Variants in FSIP2 observed in about 807,000 individuals in gnomAD.
FSIP2 encodes fibrous sheath-interacting protein 2.
Under a neutral mutation model 510.5 loss-of-function variants are expected in FSIP2, and 367 were observed. That is an observed-to-expected ratio of 0.72 (90% CI 0.66 to 0.78). The LOEUF (loss-of-function observed/expected upper bound fraction) is 0.78, where lower values mean the gene tolerates loss of function less well. Ranked by LOEUF, FSIP2 falls within the 30% of genes least tolerant of loss-of-function variation. FSIP2 has a pLI of 0.00. For synonymous variants in FSIP2, 2,601 were observed against 2,732.2 expected, an observed-to-expected ratio of 0.95 and a Z score of 1.50; for missense variants, 7,594 against 7,901.7, an observed-to-expected ratio of 0.96 and a Z score of 1.48.
At chr2:185,816,585 C>G (rs76784818) in intron 19 of FSIP2, among the ~76,000 whole-genome samples, 1 of 151,832 alleles carries the variant, frequency 6.6e-6, no homozygotes, top group Non-Finnish European at 1.5e-5. Context: ...CGTCTGTAAT[C>G]CCACCACTTT....
intron 13 of FSIP2, among the ~76,000 whole-genome samples, chr2:185,779,200 T>C (rs1011165235): frequency 1.2e-4 from 18 of 152,066 alleles, no homozygotes; most frequent in African/African-American, 4.1e-4. Context: ...TTCGGAAGTT[T>C]TCTACTGCCT....
In FSIP2 at chr2:185,763,263, G is replaced by C. The variant is rs1345068422; in HGVS notation, c.1321G>C (p.Ala441Pro). The change falls in exon 12 of 23, where the codon GCA becomes CCA. Residue 441 changes from alanine (A) to proline (P), a missense_variant. Transcript: ENST00000424728. Reference sequence around the variant, plus strand: ...GAGAAATTTTTCCAGAGTTTCACAGGCATTTTTGGATCCTTCAAAAGAAGA... The same window carrying C: ...GAGAAATTTTTCCAGAGTTTCACAGCCATTTTTGGATCCTTCAAAAGAAGA... ...PTRNFSRVSQ[A>P]FLDPSKEEKE... 1 of 1,500,290 alleles carries C rather than the reference G, an allele frequency of 6.7e-7. No homozygotes were observed. Among genetic ancestry groups the C allele is most frequent in the Non-Finnish European group, 9.0e-7 (1 of 1,114,984 alleles). 92.9% of individuals were successfully genotyped at this position (1,500,290 alleles called of 1,614,324 possible).
chr2:185,811,018 A>G (rs978204126), intron 17 of FSIP2, among the ~76,000 whole-genome samples: 3 of 152,048 alleles, frequency 2.0e-5, no homozygotes, highest in Non-Finnish European at 4.4e-5. Context: ...GACCTAGGAT[A>G]GCTGGCAGAA....
Position 185,800,506 on chromosome 2 carries a change from C to G in FSIP2, c.11200C>G (p.Gln3734Glu). Residue 3734 changes from glutamine to glutamate, a missense_variant, in exon 17 of 23, where the codon CAA becomes GAA. Coordinates refer to ENST00000424728, the MANE Select transcript of FSIP2 (RefSeq NM_173651.4). The stretch of plus-strand genomic sequence containing the variant: ...ATATTTCTACTCCTCGAATAATGAG[C>G]AACCTAATAGCATACTTACCAATAA... ...RTYFYSSNNE[Q>E]PNSILTNNLQ... 1 of 1,533,032 alleles carries G rather than the reference C, an allele frequency of 6.5e-7. No individual in the cohort carries two copies. The highest frequency in any genetic ancestry group is 1.4e-5 in the African/African-American group (1 of 72,898). 95.0% of individuals were successfully genotyped at this position (1,533,032 alleles called of 1,614,324 possible). A position where few individuals can be genotyped will look rare whatever the true frequency, so the allele number is the denominator to read the frequency against.
chr2:185,819,924 C>T (rs1221795541), intron 19 of FSIP2, among the ~76,000 whole-genome samples: 1 of 151,764 alleles, frequency 6.6e-6, no homozygotes, highest in African/African-American at 2.4e-5. Context: ...AACATCAGAG[C>T]TCCAAAATAT....
Position 185,792,241 on chromosome 2 carries a change from G to T in FSIP2, c.5105G>T (p.Gly1702Val). Residue 1702 changes from glycine (G) to valine (V), a missense_variant, in exon 16 of 23, where the codon GGG (glycine) becomes GTG (valine). Physicochemically the swap from Gly to Val is moderately radical, Grantham distance 109. Transcript: ENST00000424728. ...SDMFNEMESEGGGIETYRYRP... is the reference protein window; with the variant it reads ...SDMFNEMESEVGGIETYRYRP... Reference sequence around the variant, plus strand: ...ATGTTTAATGAAATGGAATCTGAAGGGGGAGGCATTGAAACTTATCGATAC... The same window carrying T: ...ATGTTTAATGAAATGGAATCTGAAGTGGGAGGCATTGAAACTTATCGATAC... The T allele has an allele frequency of 1.3e-6, 2 of 1,533,084 alleles. No homozygotes were observed. Among genetic ancestry groups the T allele is most frequent in the African/African-American group, 1.4e-5 (1 of 72,880 alleles). The allele number at this position is 1,533,084 out of a possible 1,614,324, so 95.0% of individuals were successfully genotyped here.
rs372072339 is a variant in FSIP2, at chr2:185,831,825, T to G, written c.20530T>G (p.Phe6844Val). The part of the protein sequence containing the change: ...HGNSVKFITI[F>V]ERSKDVLGSA... ...TTTACCTTGGCAGTTTATCACCATC[T>G]TTGAAAGATCCAAGGATGTTCTTGG... The change falls in exon 22 of 23, where the codon TTT becomes GTT. Residue 6844 changes from phenylalanine to valine, a missense_variant. Phe to Val is a conservative substitution (Grantham distance 50). Transcript: ENST00000424728. 14 of 1,608,100 alleles carry G rather than the reference T, an allele frequency of 8.7e-6. No individual in the cohort carries two copies. The highest frequency in any genetic ancestry group is 2.7e-5 in the African/African-American group (2 of 74,676).
chr2:185,761,942 A>AT (rs1365991278), intron 10 of FSIP2, 30 bp from the exon 11 acceptor site: 7 of 1,309,546 alleles, frequency 5.3e-6, no homozygotes, highest in Non-Finnish European at 7.3e-6. Context: ...TACTAATGTA[A>AT]TTTTTTCTCT....
intron 16 of FSIP2, chr2:185,797,783 G>C (rs1693326116): frequency 2.8e-6 from 1 of 354,980 alleles, no homozygotes; most frequent in Non-Finnish European, 5.2e-6. Flanking sequence ...TGAACTCCTG[G>C]ACTGAAGACA....
In FSIP2 at chr2:185,796,258, C is replaced by G; in HGVS notation, c.9122C>G (p.Pro3041Arg). ...AAACTGTTAAACAAAAAAATGTTGC[C>G]AAAATTACAACCACTGAAAATGTTT... The part of the protein sequence containing the change: ...QQKLLNKKML[P>R]KLQPLKMFSD... Residue 3041 changes from proline to arginine, a missense_variant, in exon 16 of 23, where the codon CCA becomes CGA. Transcript: ENST00000424728. 2 of 1,530,956 alleles carry G rather than the reference C, an allele frequency of 1.3e-6. No homozygotes were observed. The highest frequency in any genetic ancestry group is 1.7e-6 in the Non-Finnish European group (2 of 1,144,950). The allele number at this position is 1,530,956 out of a possible 1,614,324, so 94.8% of individuals were successfully genotyped here.
rs749821289 is a variant in FSIP2 at position 185,739,440 on chromosome 2, C to T, written c.194C>T (p.Ala65Val). 1 of 1,532,864 alleles carries T rather than the reference C, an allele frequency of 6.5e-7. No individual in the cohort carries two copies. The highest frequency in any genetic ancestry group is 2.5e-5 in the East Asian group (1 of 40,580). The allele number at this position is 1,532,864 out of a possible 1,614,324, so 95.0% of individuals were successfully genotyped here. Residue 65 changes from alanine (A) to valine (V), a missense_variant, in exon 2 of 23, where the codon GCT becomes GTT. Coordinates refer to ENST00000424728, the MANE Select transcript of FSIP2 (RefSeq NM_173651.4). ...VKLPVIPGSN[A>V]VFYTTNFGEK... ...CTGCCTGTGATCCCAGGAAGCAATG[C>T]TGTATTCTATACTACGAATTTCGGT...
intron 3 of FSIP2, among the ~76,000 whole-genome samples, chr2:185,743,937 C>T (rs1196948123): frequency 6.6e-6 from 1 of 152,088 alleles, no homozygotes; most frequent in Non-Finnish European, 1.5e-5. Flanking sequence ...TGGGCTAAAG[C>T]TGTGTTCCTG....
chr2:185,790,185 G>C lies in FSIP2; in HGVS notation c.3049G>C (p.Asp1017His). The C allele has an allele frequency of 6.5e-7, 1 of 1,531,472 alleles. No individual in the cohort carries two copies. Among genetic ancestry groups the C allele is most frequent in the Non-Finnish European group, 8.7e-7 (1 of 1,144,794 alleles). 94.9% of individuals were successfully genotyped at this position (1,531,472 alleles called of 1,614,324 possible). A position where few individuals can be genotyped will look rare whatever the true frequency, so the allele number is the denominator to read the frequency against. Residue 1017 changes from aspartate to histidine, a missense_variant, in exon 16 of 23, where the codon GAT (aspartate) becomes CAT (histidine). By Grantham distance (81) the Asp-to-His change is moderately conservative. Coordinates refer to ENST00000424728, the MANE Select transcript of FSIP2 (RefSeq NM_173651.4). The stretch of plus-strand genomic sequence containing the variant: ...AGACAATATTGTAAAAAATGTGCTT[G>C]ATTCAACTTTCAAAGATGAAAAAGT... ...EIDNIVKNVL[D>H]STFKDEKVKS...
chr2:185,755,721 C>T (rs1172532216), intron 8 of FSIP2, among the ~76,000 whole-genome samples: 1 of 151,482 alleles, frequency 6.6e-6, no homozygotes, highest in African/African-American at 2.4e-5. Flanking sequence ...CCCTTGAGCA[C>T]ACATGCAGTG....
At position 185,777,465 on chromosome 2, in the gene FSIP2, G is replaced by A. The variant is rs181431154; in HGVS notation, c.1412-5240G>A. Among the ~76,000 whole-genome samples, 335 of 145,662 alleles carry A rather than the reference G, an allele frequency of 2.3e-3. 1 individual carries two copies. The highest frequency in any genetic ancestry group is 8.1e-3 in the African/African-American group (320 of 39,404). ...TGCAATGATTAATAAAGTGGTAAAAGTGGGCTCCTTGTCTTCTTTCTTAAT... is the reference window on the plus strand; with the variant it reads ...TGCAATGATTAATAAAGTGGTAAAAATGGGCTCCTTGTCTTCTTTCTTAAT... On this transcript the variant is annotated intron_variant, in intron 13 of 22. Coordinates refer to ENST00000424728, the MANE Select transcript of FSIP2 (RefSeq NM_173651.4).
rs1416488393 is a variant in FSIP2, at chr2:185,806,431, C to T, written c.17125C>T (p.Pro5709Ser). ...YYSKLSYDQS[P>S]PGDNVLNVIQ... The stretch of plus-strand genomic sequence containing the variant: ...TTCGAAACTCAGTTATGACCAAAGC[C>T]CCCCAGGTGATAATGTATTAAATGT... The change falls in exon 17 of 23, where the codon CCC becomes TCC. Residue 5709 changes from proline to serine, a missense_variant. Coordinates refer to ENST00000424728, the MANE Select transcript of FSIP2 (RefSeq NM_173651.4). The T allele has an allele frequency of 6.2e-7, 1 of 1,611,876 alleles. No homozygotes were observed. Among genetic ancestry groups the T allele is most frequent in the African/African-American group, 1.3e-5 (1 of 74,828 alleles).
intron 13 of FSIP2, among the ~76,000 whole-genome samples, chr2:185,768,506 A>T (rs1041813413): frequency 4.6e-5 from 7 of 152,154 alleles, no homozygotes; most frequent in Non-Finnish European, 5.9e-5. Context: ...AACAACATTT[A>T]TTGAAAAAAT....
At position 185,793,981 on chromosome 2, in the gene FSIP2, A is replaced by C. The variant is rs987607823; in HGVS notation, c.6845A>C (p.Lys2282Thr). ...LITLAFQSKEKSFVIPELENC... is the reference protein window; with the variant it reads ...LITLAFQSKETSFVIPELENC... ...ACCCTTGCTTTCCAAAGTAAAGAAA[A>C]GTCATTTGTTATCCCAGAATTGGAA... is the stretch of plus-strand genomic sequence containing the variant. Residue 2282 changes from lysine (K) to threonine (T), a missense_variant, in exon 16 of 23, where the codon AAG becomes ACG. Lys to Thr is a moderately conservative substitution (Grantham distance 78, BLOSUM62 -1). Coordinates refer to ENST00000424728, the MANE Select transcript of FSIP2 (RefSeq NM_173651.4). 1 of 1,531,938 alleles carries C rather than the reference A, an allele frequency of 6.5e-7. No individual in the cohort carries two copies. The allele number at this position is 1,531,938 out of a possible 1,614,324, so 94.9% of individuals were successfully genotyped here. A position where few individuals can be genotyped will look rare whatever the true frequency, so the allele number is the denominator to read the frequency against.
chr2:185,779,977 G>T (rs1488911784), intron 13 of FSIP2, among the ~76,000 whole-genome samples: 1 of 149,956 alleles, frequency 6.7e-6, no homozygotes, highest in Non-Finnish European at 1.5e-5. Flanking sequence ...TTAGGCTGAG[G>T]CATAAGAATC....
Sources: gnomAD v4.1 joint callset for allele counts (sites outside exome capture counted in the v4.1 genomes callset) on GRCh38, gnomAD v4.1.1 for gene constraint, MANE v1.5 for transcripts, NCBI Gene and HGNC (gene_info 2026-07-23, HGNC 2026-07-21) for gene names.